SPOCK1: variants seen among roughly 807,000 people sequenced by gnomAD.
SPOCK1 encodes SPARC (osteonectin), cwcv and kazal like domains proteoglycan 1.
A neutral mutation model predicts 55.3 loss-of-function variants in SPOCK1; 23 were observed. The ratio of observed to expected loss-of-function variants is 0.42; its 90% CI spans 0.30 to 0.59. SPOCK1 has a LOEUF of 0.59. Among genes scored for constraint, SPOCK1 ranks in the 20% least tolerant of loss-of-function variants. SPOCK1 has a pLI of 0.22. For synonymous variants in SPOCK1, 226 were observed against 221.0 expected, an observed-to-expected ratio of 1.02 and a Z score of -0.20; for missense variants, 499 against 552.5, an observed-to-expected ratio of 0.90 and a Z score of 0.97.
intron 6 of SPOCK1, among the ~76,000 whole-genome samples, chr5:137,037,562 G>A (rs797015263): frequency 1.3e-5 from 2 of 152,238 alleles, no homozygotes; most frequent in African/African-American, 4.8e-5. Flanking sequence ...CATCTAAGTG[G>A]TTTAGGATAA....
rs147757603 is a variant in SPOCK1 at position 137,399,326 on chromosome 5, A to C, written c.186+99047T>G. On this transcript the variant is annotated intron_variant, in intron 2 of 10. Transcript: ENST00000394945. Reference sequence around the variant, plus strand: ...ACCTACTAGGGGATATCCAGGGCACAGCTTCTTCACTACTGGGCTATATTG... The same window carrying C: ...ACCTACTAGGGGATATCCAGGGCACCGCTTCTTCACTACTGGGCTATATTG... Among the ~76,000 whole-genome samples, 94 of 152,218 alleles carry C rather than the reference A, an allele frequency of 6.2e-4. 2 individuals carry two copies. In the East Asian group the frequency reaches 0.015, roughly 24 times the overall value.
intron 6 of SPOCK1, among the ~76,000 whole-genome samples, chr5:137,006,954 C>T (rs138153001): frequency 1.2e-3 from 177 of 152,164 alleles, no homozygotes; most frequent in African/African-American, 3.8e-3. Flanking sequence ...ATTGAGAAAT[C>T]GTGGTTTTTG....
intron 3 of SPOCK1, among the ~76,000 whole-genome samples, chr5:137,238,932 A>G (rs1756233604): frequency 6.6e-6 from 1 of 152,204 alleles, no homozygotes; most frequent in Non-Finnish European, 1.5e-5. Context: ...TGTGGCACAG[A>G]GCTCCTAAAA....
chr5:137,332,757 G>A (rs1005506243), intron 2 of SPOCK1, among the ~76,000 whole-genome samples: 7 of 152,198 alleles, frequency 4.6e-5, no homozygotes, highest in African/African-American at 1.4e-4. Flanking sequence ...CCAAAAGGCC[G>A]AGAAGCAACT....
chr5:137,112,933 C>T (rs1020044176), intron 4 of SPOCK1, among the ~76,000 whole-genome samples: 1 of 152,136 alleles, frequency 6.6e-6, no homozygotes, highest in Non-Finnish European at 1.5e-5. Context: ...GAACAGCACC[C>T]CAAAGTCTGA....
chr5:137,214,081 G>A (rs981683215), intron 3 of SPOCK1, among the ~76,000 whole-genome samples: 6 of 152,146 alleles, frequency 3.9e-5, no homozygotes, highest in Non-Finnish European at 2.9e-5. Context: ...CTAGCCCAGG[G>A]TCGAACACAT....
chr5:137,466,147 T>C (rs1753615996), intron 2 of SPOCK1, among the ~76,000 whole-genome samples: 1 of 152,210 alleles, frequency 6.6e-6, no homozygotes, highest in Admixed American at 6.5e-5. Flanking sequence ...CTTGCAGAAG[T>C]TGAAAACAAG....
chr5:137,042,098 C>T (rs1192536448), intron 6 of SPOCK1, among the ~76,000 whole-genome samples: 2 of 151,984 alleles, frequency 1.3e-5, no homozygotes, highest in African/African-American at 4.8e-5. Context: ...AACATCCATA[C>T]AATGGACTAC....
At chr5:137,177,666 TA>T (rs957580642) in intron 3 of SPOCK1, among the ~76,000 whole-genome samples, 1 of 152,168 alleles carries the variant, frequency 6.6e-6, no homozygotes, top group African/African-American at 2.4e-5. Flanking sequence ...TAACGCACAT[TA>T]AAAAAAGTAT....
intron 2 of SPOCK1, among the ~76,000 whole-genome samples, chr5:137,436,319 G>T (rs1752863503): frequency 6.6e-6 from 1 of 151,554 alleles, no homozygotes; most frequent in African/African-American, 2.4e-5. Context: ...ATTTATTTTG[G>T]TATATAGGGT....
intron 3 of SPOCK1, among the ~76,000 whole-genome samples, chr5:137,147,340 A>T (rs566178285): frequency 8.5e-5 from 13 of 152,192 alleles, no homozygotes; most frequent in Non-Finnish European, 2.9e-5. Flanking sequence ...AATCTGTAAT[A>T]AGGGAAAATT....
At chr5:137,068,773 C>T (rs1475804209) in intron 5 of SPOCK1, among the ~76,000 whole-genome samples, 1 of 152,184 alleles carries the variant, frequency 6.6e-6, no homozygotes. Context: ...TACAGACATC[C>T]CATACTGAAC....
chr5:137,103,845 G>A (rs1265277679), intron 5 of SPOCK1, among the ~76,000 whole-genome samples: 2 of 152,188 alleles, frequency 1.3e-5, no homozygotes, highest in African/African-American at 4.8e-5. Context: ...TTCACATAAT[G>A]TAAACTAGCT....
intron 7 of SPOCK1, among the ~76,000 whole-genome samples, chr5:136,989,898 A>C (rs1750914656): frequency 6.6e-6 from 1 of 152,098 alleles, no homozygotes; most frequent in Admixed American, 6.5e-5. Flanking sequence ...GAAATGTAGA[A>C]TACAGCAAAA....
intron 3 of SPOCK1, among the ~76,000 whole-genome samples, chr5:137,142,372 T>C (rs1184018236): frequency 6.6e-6 from 1 of 152,190 alleles, no homozygotes; most frequent in Non-Finnish European, 1.5e-5. Context: ...GCTGCGAATT[T>C]CTCAAGGGTC....
chr5:137,076,876 G>C (rs1185625376), intron 5 of SPOCK1, among the ~76,000 whole-genome samples: 2 of 152,148 alleles, frequency 1.3e-5, no homozygotes, highest in African/African-American at 4.8e-5. Context: ...ACTGAAACTA[G>C]AGAAAGCAAA....
intron 2 of SPOCK1, among the ~76,000 whole-genome samples, chr5:137,347,533 A>T (rs979693111): frequency 1.3e-5 from 2 of 152,152 alleles, no homozygotes; most frequent in Non-Finnish European, 2.9e-5. Flanking sequence ...CAGCCTGGCC[A>T]ACATGGTGAA....
intron 4 of SPOCK1, among the ~76,000 whole-genome samples, chr5:137,113,736 CACAGG>C (rs1476180281): frequency 6.6e-6 from 1 of 152,122 alleles, no homozygotes; most frequent in Non-Finnish European, 1.5e-5. Flanking sequence ...TACTTGCCCC[CACAGG>C]TGGGGGTATG....
At chr5:137,058,310 T>C (rs1040281934) in intron 6 of SPOCK1, among the ~76,000 whole-genome samples, 3 of 152,238 alleles carry the variant, frequency 2.0e-5, no homozygotes, top group African/African-American at 4.8e-5. Context: ...TTAGGCAAGG[T>C]ACTGAACAGA....
Sources: gnomAD v4.1 joint callset for allele counts (sites outside exome capture counted in the v4.1 genomes callset) on GRCh38, gnomAD v4.1.1 for gene constraint, MANE v1.5 for transcripts, NCBI Gene and HGNC (gene_info 2026-07-23, HGNC 2026-07-21) for gene names.